The following PSG6 variants were observed in gnomAD, a reference collection of about 807,000 sequenced individuals.
PSG6 encodes the protein pregnancy specific beta-1-glycoprotein 6, also known as pregnancy-specific beta-1-glycoprotein 6.
A neutral mutation model predicts 43.3 loss-of-function variants in PSG6; 51 were observed. The observed-to-expected ratio is 1.18, with a 90% CI of 0.94 to 1.49. PSG6 has a LOEUF of 1.49. PSG6 is among the 40% of genes most tolerant of loss of function. PSG6 has a pLI of 0.00. For synonymous variants in PSG6, 292 were observed against 197.6 expected, an observed-to-expected ratio of 1.48 and a Z score of -4.01; for missense variants, 770 against 522.2, an observed-to-expected ratio of 1.47 and a Z score of -4.62.
intron 5 of PSG6, among the ~76,000 whole-genome samples, chr19:42,905,172 A>T (rs1033696839): frequency 1.3e-5 from 2 of 151,662 alleles, no homozygotes; most frequent in African/African-American, 4.8e-5. Flanking sequence ...AAACTATACA[A>T]CTCTTAGAAG....
At position 42,905,913 on chromosome 19, in the gene PSG6, A is replaced by AG. The variant is rs200932837; in HGVS notation, c.1240+1008dup. On this transcript the variant is annotated intron_variant, in intron 5 of 5. Transcript: ENST00000187910. ...AGTAGAATGGTGGGTGTTAAGGGTT[A>AG]GGGGGAGAAGGAGTGAGAGTTACTG... is the stretch of plus-strand genomic sequence containing the variant. Among the ~76,000 whole-genome samples, 1,306 of 151,778 alleles carry AG rather than the reference A, an allele frequency of 8.6e-3. 44 individuals carry two copies. Among genetic ancestry groups the AG allele is most frequent in the African/African-American group, 0.03 (1,260 of 41,368 alleles).
At chr19:42,906,773 T>C (rs909160252) in intron 5 of PSG6, 149 bp downstream of exon 5, 28 of 1,586,750 alleles carry the variant, frequency 1.8e-5, no homozygotes, top group Non-Finnish European at 2.3e-5. Context: ...TCTGTAGAGA[T>C]AAGTTGGGAG....
chr19:42,914,281 A>T (rs1457241174), intron 2 of PSG6, among the ~76,000 whole-genome samples: 11 of 151,276 alleles, frequency 7.3e-5, no homozygotes, highest in Admixed American at 7.3e-4. Context: ...ATTTCCTGGG[A>T]GGTGGGCCAG....
In PSG6 at chr19:42,916,173, C is replaced by T. The variant is rs748893912; in HGVS notation, c.379G>A (p.Gly127Ser). The T allele has an allele frequency of 1.9e-6, 3 of 1,612,122 alleles. No homozygotes were observed. Among genetic ancestry groups the T allele is most frequent in the African/African-American group, 2.7e-5 (2 of 74,830 alleles). Residue 127 changes from glycine to serine, a missense_variant, in exon 2 of 6, where the codon GGC (glycine) becomes AGC (serine). Transcript: ENST00000187910. ...CCAGTTACTCCTCCAGTCCCATCGC[C>T]TCGCTTTATGATGTGTAAGGTGTAG... The part of the protein sequence containing the change: ...GSYTLHIIKR[G>S]DGTGGVTGYF...
At chr19:42,916,558 C>A (rs868633053) in intron 1 of PSG6, 71 bp from the exon 2 acceptor site, 2 of 1,534,822 alleles carry the variant, frequency 1.3e-6, no homozygotes, top group Admixed American at 3.9e-5. Context: ...GGCCCTGTGT[C>A]CTGAGAAGGT....
chr19:42,906,620 T>C (rs1336701425), intron 5 of PSG6: 1 of 1,364,994 alleles, frequency 7.3e-7, no homozygotes, highest in East Asian at 2.6e-5. Flanking sequence ...AGAAGCAACT[T>C]GATCTTGAGG....
chr19:42,907,823 G>A lies in PSG6; in HGVS notation c.738C>T (p.Asn246=), dbSNP rs1058702. 16 of 1,611,582 alleles carry A rather than the reference G, an allele frequency of 9.9e-6. 1 individual carries two copies. Among genetic ancestry groups the A allele is most frequent in the Non-Finnish European group, 1.3e-5 (15 of 1,179,086 alleles). Residue 246 remains asparagine (N), a synonymous_variant, in exon 4 of 6, where the codon AAC becomes AAT. Transcript: ENST00000187910. ...CCTTCTTCTCCCTGGGGTTTAAGTT[G>A]TTGATGGTGATGTAAGGCATGGGCA... ...PKLPMPYITI[N]NLNPREKKDV... is the part of the protein sequence containing the mutation.
Position 42,910,477 on chromosome 19 carries a change from A to G in PSG6, c.706+103T>C, listed in dbSNP as rs1315936847. On this transcript the variant is annotated intron_variant, in intron 3 of 5. Coordinates refer to ENST00000187910, the MANE Select transcript of PSG6 (RefSeq NM_001031850.4). ...ATGGCCAGCTTTGATGTTCAGGGAT[A>G]AAGGTCTCTGTACTTGGACCTGAGA... is the stretch of plus-strand genomic sequence containing the variant. 5 of 1,611,134 alleles carry G rather than the reference A, an allele frequency of 3.1e-6. No homozygotes were observed. The Admixed American group carries it at 5.0e-5, about 16-fold the overall frequency.
At chr19:42,910,400 CTTA>C (rs1568444516) in intron 3 of PSG6, 177 bp downstream of exon 3, 1 of 1,498,172 alleles carries the variant, frequency 6.7e-7, no homozygotes, top group Middle Eastern at 2.2e-4. Context: ...CCTCTTCTCT[CTTA>C]TTGTTGATCA....
chr19:42,915,724 C>G lies in PSG6; in HGVS notation c.427+401G>C, dbSNP rs1600550487. The G allele has an allele frequency of 1.0e-5, 3 of 294,462 alleles. No homozygotes were observed. The East Asian group carries it at 1.9e-4, about 19-fold the overall frequency. 18.2% of individuals were successfully genotyped at this position (294,462 alleles called of 1,614,324 possible). On this transcript the variant is annotated intron_variant, in intron 2 of 5. Transcript: ENST00000187910. ...TTTACCTGGAGCAAGGATTTAGGGA[C>G]AGGGGTCTGGGATTGAGGCTTCCAG...
In PSG6 at chr19:42,910,836, G is replaced by A; in HGVS notation, c.450C>T (p.Ile150=). Reference sequence around the variant, plus strand: ...CCCTGGGGTTTAAGTTGCTGCTGGAGATGGAGGGCTTGGGAGTCTCCGCTG... The same window carrying A: ...CCCTGGGGTTTAAGTTGCTGCTGGAAATGGAGGGCTTGGGAGTCTCCGCTG... ...TLYSETPKPS[I]SSSNLNPREV... The change falls in exon 3 of 6, where the codon ATC becomes ATT. Residue 150 remains isoleucine (I), a synonymous_variant. Transcript: ENST00000187910. 6.2e-7 allele frequency: 1 copy of A among 1,611,394 alleles called. No homozygotes were observed. The highest frequency in any genetic ancestry group is 8.5e-7 in the Non-Finnish European group (1 of 1,178,718).
At chr19:42,902,725 C>A (rs1403041014) in intron 5 of PSG6, among the ~76,000 whole-genome samples, 1 of 151,342 alleles carries the variant, frequency 6.6e-6, no homozygotes, top group Non-Finnish European at 1.5e-5. Context: ...TCATGCCTGC[C>A]CCACATTCCC....
rs1256623198 is a variant in PSG6, at chr19:42,910,588, T to C, written c.698A>G (p.Asn233Ser). ...GAACAGAAGATACTCACGGAGGAGA[T>C]TCAGGGTGACTGGGTCACTGCGGCT... ...SASRSDPVTL[N>S]LLPKLPMPYI... Residue 233 changes from asparagine to serine, a missense_variant, in exon 3 of 6, where the codon AAT (asparagine) becomes AGT (serine). Transcript: ENST00000187910. 6.2e-7 allele frequency: 1 copy of C among 1,612,414 alleles called. No individual in the cohort carries two copies. Among genetic ancestry groups the C allele is most frequent in the South Asian group, 1.1e-5 (1 of 90,634 alleles).
rs3198831 is a variant in PSG6 at position 42,916,299 on chromosome 19, G to C, written c.253C>G (p.His85Asp). 0.3 allele frequency: 481,772 copies of C among 1,611,458 alleles called. 85,923 individuals are homozygous for C. The highest frequency in any genetic ancestry group is 0.59 in the African/African-American group (43,839 of 74,490). Reference sequence around the variant, plus strand: ...GCAGGCCCATATATAATTTGACCGTGTACTACATATGATGTAATGTAATGG... The same window carrying C: ...GCAGGCCCATATATAATTTGACCGTCTACTACATATGATGTAATGTAATGG... ...LYHYITSYVVHGQIIYGPAYS... is the reference protein window; with the variant it reads ...LYHYITSYVVDGQIIYGPAYS... Residue 85 changes from histidine to aspartate, a missense_variant, in exon 2 of 6, where the codon CAC becomes GAC. His to Asp is a moderately conservative substitution (Grantham distance 81). Transcript: ENST00000187910.
rs889627759 is a variant in PSG6, at chr19:42,905,914, G to T, written c.1240+1008C>A. Among the ~76,000 whole-genome samples the T allele has an allele frequency of 4.0e-5, 6 of 149,110 alleles. No homozygotes were observed. The South Asian group carries it at 1.1e-3, about 26-fold the overall frequency. ...GTAGAATGGTGGGTGTTAAGGGTTAGGGGGAGAAGGAGTGAGAGTTACTGT... is the reference window on the plus strand; with the variant it reads ...GTAGAATGGTGGGTGTTAAGGGTTATGGGGAGAAGGAGTGAGAGTTACTGT... On this transcript the variant is annotated intron_variant, in intron 5 of 5. Coordinates refer to ENST00000187910, the MANE Select transcript of PSG6 (RefSeq NM_001031850.4).
chr19:42,906,399 G>T (rs146819148), intron 5 of PSG6, among the ~76,000 whole-genome samples: 2,053 of 151,610 alleles, frequency 0.014, 84 homozygotes, highest in African/African-American at 0.048. Context: ...CACCCCAGGT[G>T]GAGTCAGGCA....
chr19:42,902,580 G>A lies in PSG6; in HGVS notation c.1241-134C>T. 4 of 1,233,022 alleles carry A rather than the reference G, an allele frequency of 3.2e-6. No individual in the cohort carries two copies. In the South Asian group the frequency reaches 4.8e-5, roughly 15 times the overall value. 76.4% of individuals were successfully genotyped at this position (1,233,022 alleles called of 1,614,324 possible). ...CTCCGAGGCTCTCTTTAACTCCAATGGGTGACTGGTTGGAGGATTCCTCAT... is the reference window on the plus strand; with the variant it reads ...CTCCGAGGCTCTCTTTAACTCCAATAGGTGACTGGTTGGAGGATTCCTCAT... On this transcript the variant is annotated intron_variant, in intron 5 of 5. Coordinates refer to ENST00000187910, the MANE Select transcript of PSG6 (RefSeq NM_001031850.4).
chr19:42,905,168 T>C (rs1972092442), intron 5 of PSG6, among the ~76,000 whole-genome samples: 4 of 151,642 alleles, frequency 2.6e-5, no homozygotes, highest in African/African-American at 7.3e-5. Context: ...GTAAAAACTA[T>C]ACAACTCTTA....
intron 5 of PSG6, chr19:42,906,643 G>A (rs1063018): frequency 1.4e-6 from 2 of 1,389,106 alleles, no homozygotes; most frequent in East Asian, 2.5e-5. Flanking sequence ...TCTCCTTCTT[G>A]TCCCTCTGTG....
Sources: gnomAD v4.1 joint callset for allele counts (sites outside exome capture counted in the v4.1 genomes callset) on GRCh38, gnomAD v4.1.1 for gene constraint, MANE v1.5 for transcripts, NCBI Gene and HGNC (gene_info 2026-07-23, HGNC 2026-07-21) for gene names.